Variants in LTBP1 observed in about 807,000 individuals in gnomAD.
The protein encoded by LTBP1 is latent transforming growth factor beta binding protein 1.
LTBP1 carries 129 observed loss-of-function variants against 207.6 expected under a neutral mutation model. The ratio of observed to expected loss-of-function variants is 0.62; its 90% CI spans 0.54 to 0.72. The LOEUF is 0.72. Ranked by LOEUF, LTBP1 falls within the 30% of genes least tolerant of loss-of-function variation. LTBP1 has a pLI of 0.00. For synonymous variants in LTBP1, 963 were observed against 833.7 expected (o/e 1.16, Z -2.67); for missense variants, 2,281 against 2,217.2 (o/e 1.03, Z -0.58).
chr2:33,212,428 T>C (rs1405049113), intron 7 of LTBP1, among the ~76,000 whole-genome samples: 3 of 152,158 alleles, frequency 2.0e-5, no homozygotes, highest in Admixed American at 2.0e-4. Flanking sequence ...CTATTATAGA[T>C]GTGAGAGCAG....
At chr2:33,051,286 G>A (rs1233861230) in intron 3 of LTBP1, among the ~76,000 whole-genome samples, 1 of 152,104 alleles carries the variant, frequency 6.6e-6, no homozygotes, top group African/African-American at 2.4e-5. Context: ...GTGTGGTGGT[G>A]TGTGCCTGTT....
intron 5 of LTBP1, among the ~76,000 whole-genome samples, chr2:33,140,559 A>G (rs545860658): frequency 6.6e-6 from 1 of 152,150 alleles, no homozygotes; most frequent in South Asian, 2.1e-4. Flanking sequence ...TATCAAAGAA[A>G]CCACTTCCAC....
intron 24 of LTBP1, 69 bp downstream of exon 24, chr2:33,315,338 A>G (rs1300516373): frequency 2.5e-6 from 4 of 1,586,532 alleles, no homozygotes; most frequent in Non-Finnish European, 3.4e-6. Context: ...TCACTTATAC[A>G]AAGACTTGAA....
At chr2:32,996,868 T>C (rs1685362880) in intron 2 of LTBP1, among the ~76,000 whole-genome samples, 2 of 151,980 alleles carry the variant, frequency 1.3e-5, no homozygotes, top group Non-Finnish European at 2.9e-5. Context: ...CCAGGGGTGG[T>C]ATGGGTGGAA....
intron 5 of LTBP1, among the ~76,000 whole-genome samples, chr2:33,153,794 CAT>C (rs779539097): frequency 2.0e-5 from 3 of 152,206 alleles, no homozygotes; most frequent in Non-Finnish European, 4.4e-5. Flanking sequence ...AAAGGCCAGA[CAT>C]GTGAGCATTC....
At chr2:32,975,992 C>G (rs1681717911) in intron 2 of LTBP1, among the ~76,000 whole-genome samples, 2 of 152,268 alleles carry the variant, frequency 1.3e-5, no homozygotes, top group South Asian at 4.1e-4. Flanking sequence ...TTTTGAACTG[C>G]CAGAGTTCTT....
chr2:33,283,195 T>A (rs2093595816), intron 19 of LTBP1, among the ~76,000 whole-genome samples: 1 of 151,846 alleles, frequency 6.6e-6, no homozygotes, highest in Non-Finnish European at 1.5e-5. Flanking sequence ...GGATGTCAGA[T>A]GTGATGCATG....
chr2:33,363,849 C>A (rs916833136), intron 29 of LTBP1, among the ~76,000 whole-genome samples: 1 of 152,184 alleles, frequency 6.6e-6, no homozygotes, highest in Non-Finnish European at 1.5e-5. Flanking sequence ...ATTTTAAATA[C>A]TGACCCAGAC....
At chr2:33,008,854 T>C (rs374439534) in intron 2 of LTBP1, among the ~76,000 whole-genome samples, 17 of 152,300 alleles carry the variant, frequency 1.1e-4, no homozygotes, top group African/African-American at 3.8e-4. Context: ...AGGGAGCCTG[T>C]GACTGTCTGG....
intron 25 of LTBP1, among the ~76,000 whole-genome samples, chr2:33,345,642 T>A (rs2094691977): frequency 6.6e-6 from 1 of 152,258 alleles, no homozygotes. Context: ...ATTGGATTTA[T>A]ATCTCTTTAT....
intron 9 of LTBP1, among the ~76,000 whole-genome samples, chr2:33,231,240 A>G (rs544360075): frequency 3.1e-4 from 47 of 152,364 alleles, no homozygotes; most frequent in African/African-American, 1.1e-3. Flanking sequence ...AGCTAGCCAC[A>G]TAACTTTCTT....
At chr2:33,289,417 C>T (rs2093730466) in intron 19 of LTBP1, among the ~76,000 whole-genome samples, 1 of 152,102 alleles carries the variant, frequency 6.6e-6, no homozygotes, top group African/African-American at 2.4e-5. Flanking sequence ...TGGAGTACAA[C>T]AGCATGATCA....
At chr2:33,142,209 G>T (rs748191487) in intron 5 of LTBP1, among the ~76,000 whole-genome samples, 2 of 151,802 alleles carry the variant, frequency 1.3e-5, no homozygotes, top group African/African-American at 2.4e-5. Flanking sequence ...CCACCACCAC[G>T]CCCGGCTAAT....
intron 22 of LTBP1, among the ~76,000 whole-genome samples, chr2:33,302,985 AAACAC>A (rs2094016252): frequency 4.1e-5 from 6 of 147,366 alleles, no homozygotes; most frequent in Non-Finnish European, 6.0e-5. Flanking sequence ...ACACACACAC[AAACAC>A]ACACAAACAC....
intron 3 of LTBP1, among the ~76,000 whole-genome samples, chr2:33,101,320 C>A (rs771787593): frequency 2.0e-5 from 3 of 152,136 alleles, no homozygotes; most frequent in Non-Finnish European, 2.9e-5. Flanking sequence ...CTTAAGTATA[C>A]ACTTAGGCAG....
chr2:33,315,227 CAGCAGG>C lies in LTBP1; in HGVS notation c.3689_3694del (p.Gln1230_Gly1232delinsArg), dbSNP rs765028608. ...AGAGGGTTCTTTCCATTGTGTCTGCCAGCAGGGTTTCTCAATCTCTGCAGATGGCCG... is the reference window on the plus strand; with the variant it reads ...AGAGGGTTCTTTCCATTGTGTCTGCCGTTTCTCAATCTCTGCAGATGGCCG... On this transcript the variant is annotated inframe_deletion, in exon 24 of 34. Coordinates refer to ENST00000404816, the MANE Select transcript of LTBP1 (RefSeq NM_206943.4). 6.2e-7 allele frequency: 1 copy of C among 1,613,746 alleles called. No individual in the cohort carries two copies. The highest frequency in any genetic ancestry group is 8.5e-7 in the Non-Finnish European group (1 of 1,179,928).
intron 5 of LTBP1, among the ~76,000 whole-genome samples, chr2:33,135,400 T>G (rs2082062409): frequency 6.6e-6 from 1 of 152,232 alleles, no homozygotes; most frequent in South Asian, 2.1e-4. Context: ...ATAGCCAAGC[T>G]CTAAAACAAA....
At position 33,301,487 on chromosome 2, in the gene LTBP1, A is replaced by G. The variant is rs544267336; in HGVS notation, c.3359-35A>G. 4.7e-5 allele frequency: 72 copies of G among 1,536,334 alleles called. 1 individual carries two copies. In the East Asian group the frequency reaches 1.1e-3, roughly 24 times the overall value. ...TGATTGAAAATGTTTTTGAAGCACCACTTCCACAGTTTCTTTGTATTCTCT... is the reference window on the plus strand; with the variant it reads ...TGATTGAAAATGTTTTTGAAGCACCGCTTCCACAGTTTCTTTGTATTCTCT... On this transcript the variant is annotated intron_variant, in intron 21 of 33. Transcript: ENST00000404816.
chr2:33,319,999 G>T (rs1013699819), intron 24 of LTBP1, among the ~76,000 whole-genome samples: 23 of 152,160 alleles, frequency 1.5e-4, no homozygotes, highest in Non-Finnish European at 3.2e-4. Context: ...AGGTACTGGG[G>T]CCTTGTCAGT....
Sources: allele counts gnomAD v4.1 joint callset (sites outside exome capture counted in the v4.1 genomes callset), GRCh38; gene constraint gnomAD v4.1.1; transcripts MANE v1.5; gene names NCBI Gene and HGNC (gene_info 2026-07-23, HGNC 2026-07-21).